MBIP: variants seen among roughly 807,000 people sequenced by gnomAD.
MBIP encodes MAP3K12-binding inhibitory protein 1.
A neutral mutation model predicts 45.7 loss-of-function variants in MBIP; 32 were observed. The ratio of observed to expected loss-of-function variants is 0.70; its 90% CI spans 0.53 to 0.94. The LOEUF is 0.94. Among genes scored for constraint, MBIP ranks in the 40% least tolerant of loss-of-function variants. The probability of loss-of-function intolerance (pLI) is 0.00; values close to 1 mark genes in which losing one functional copy is unlikely to be tolerated. For missense variants in MBIP, 381 were observed against 405.5 expected, an observed-to-expected ratio of 0.94 and a Z score of 0.52; for synonymous variants, 145 against 141.0, an observed-to-expected ratio of 1.03 and a Z score of -0.20.
chr14:36,300,233 C>T (rs904103614), intron 8 of MBIP, among the ~76,000 whole-genome samples: 4 of 151,884 alleles, frequency 2.6e-5, no homozygotes, highest in East Asian at 1.9e-4. Flanking sequence ...TAATTTACTT[C>T]GGGAAAAAAT....
chr14:36,300,308 A>T (rs980835367), intron 8 of MBIP, among the ~76,000 whole-genome samples: 2 of 152,190 alleles, frequency 1.3e-5, no homozygotes, highest in South Asian at 2.1e-4. Flanking sequence ...TAAAAATCAG[A>T]AAGTTTTCTC....
rs1263040914 is a variant in MBIP, at chr14:36,316,777, G to T, written c.165C>A (p.Ile55=). Residue 55 remains isoleucine (I), a synonymous_variant, in exon 2 of 9, where the codon ATC becomes ATA. Coordinates refer to ENST00000416007, the MANE Select transcript of MBIP (RefSeq NM_016586.3). ...DLRDDVVKIT[I]DWNKLQSLSA... ...AGAGGCTCTGGAGCTTGTTCCAATC[G>T]ATTGTAATTTTCACCACATCATCTC... 5.6e-6 allele frequency: 9 copies of T among 1,612,158 alleles called. No individual in the cohort carries two copies. In the African/African-American group the frequency reaches 8.0e-5, roughly 14 times the overall value.
At chr14:36,316,543 T>G (rs1421913027) in intron 2 of MBIP, 150 bp downstream of exon 2, 1 of 733,840 alleles carries the variant, frequency 1.4e-6, no homozygotes. Flanking sequence ...CTACTGAAAT[T>G]AACAGATTTA....
At chr14:36,301,961 G>T (rs533815665) in intron 7 of MBIP, among the ~76,000 whole-genome samples, 1 of 152,280 alleles carries the variant, frequency 6.6e-6, no homozygotes, top group East Asian at 1.9e-4. Flanking sequence ...TGTGTCAAAA[G>T]TTGATTCAAA....
In MBIP at chr14:36,300,806, T is replaced by C; in HGVS notation, c.906A>G (p.Arg302=). 6.4e-7 allele frequency: 1 copy of C among 1,554,844 alleles called. No homozygotes were observed. Among genetic ancestry groups the C allele is most frequent in the Non-Finnish European group, 8.7e-7 (1 of 1,145,082 alleles). ...YFQSVSFSGK[R]RKVQPPQQNY... Reference sequence around the variant, plus strand: ...TTACTTGAGGTGGTTGAACTTTTCTTCTTTTTCCAGAAAAGCTCTAGATTA... The same window carrying C: ...TTACTTGAGGTGGTTGAACTTTTCTCCTTTTTCCAGAAAAGCTCTAGATTA... The change falls in exon 8 of 9, where the codon AGA becomes AGG. Residue 302 remains arginine, a synonymous_variant. Transcript: ENST00000416007.
chr14:36,308,211 C>T (rs1879997293), intron 6 of MBIP, 22 bp from the exon 7 acceptor site: 1 of 1,142,594 alleles, frequency 8.8e-7, no homozygotes, highest in Admixed American at 2.1e-5. Flanking sequence ...AAAAAAAAAT[C>T]TGAGATACTA....
At chr14:36,303,647 G>A (rs8004802) in intron 7 of MBIP, among the ~76,000 whole-genome samples, 7,920 of 152,188 alleles carry the variant, frequency 0.052, 643 homozygotes, top group African/African-American at 0.18. Context: ...ACTGTTGACT[G>A]AAACATCCTT....
intron 6 of MBIP, 140 bp from the exon 7 acceptor site, chr14:36,308,329 G>A (rs1404362365): frequency 3.5e-6 from 2 of 570,314 alleles, no homozygotes; most frequent in African/African-American, 3.8e-5. Context: ...AAGTAAAACA[G>A]AATGAAGTCC....
intron 3 of MBIP, 23 bp from the exon 4 acceptor site, chr14:36,314,631 G>T: frequency 6.2e-7 from 1 of 1,606,106 alleles, no homozygotes; most frequent in Non-Finnish European, 8.5e-7. Flanking sequence ...AGTTTTAACA[G>T]TGTAAACATA....
intron 7 of MBIP, among the ~76,000 whole-genome samples, chr14:36,304,334 A>G (rs1233415011): frequency 6.6e-6 from 1 of 152,256 alleles, no homozygotes; most frequent in East Asian, 1.9e-4. Flanking sequence ...TCTACTCGAT[A>G]TTGACTACAT....
chr14:36,299,827 C>T (rs1169492323), intron 8 of MBIP, among the ~76,000 whole-genome samples: 1 of 152,024 alleles, frequency 6.6e-6, no homozygotes, highest in Non-Finnish European at 1.5e-5. Context: ...TGGATTTATT[C>T]AAGTCTACCT....
At chr14:36,317,550 T>C (rs1880647100) in intron 1 of MBIP, among the ~76,000 whole-genome samples, 2 of 152,128 alleles carry the variant, frequency 1.3e-5, no homozygotes, top group South Asian at 2.1e-4. Flanking sequence ...GCTCATTATA[T>C]GGAAATTTCT....
intron 4 of MBIP, among the ~76,000 whole-genome samples, chr14:36,313,040 T>C (rs1880301965): frequency 6.6e-6 from 1 of 152,136 alleles, no homozygotes; most frequent in South Asian, 2.1e-4. Flanking sequence ...TTTTTTTCAG[T>C]TGAACTTTCC....
At chr14:36,303,858 A>C (rs974128814) in intron 7 of MBIP, among the ~76,000 whole-genome samples, 2 of 152,154 alleles carry the variant, frequency 1.3e-5, no homozygotes, top group Admixed American at 1.3e-4. Flanking sequence ...CAGAGCCCTG[A>C]TTCAGACCTT....
intron 7 of MBIP, among the ~76,000 whole-genome samples, chr14:36,305,478 T>A (rs1169717995): frequency 2.0e-5 from 3 of 152,208 alleles, no homozygotes; most frequent in African/African-American, 7.2e-5. Context: ...AAAAATCACC[T>A]GTTTTATCAC....
In MBIP at chr14:36,312,142, A is replaced by G. The variant is rs2139223552; in HGVS notation, c.572-118T>C. The G allele has an allele frequency of 5.9e-6, 3 of 510,888 alleles. No homozygotes were observed. The East Asian group carries it at 1.0e-4, about 17-fold the overall frequency. The allele number at this position is 510,888 out of a possible 1,614,324, so 31.6% of individuals were successfully genotyped here. On this transcript the variant is annotated intron_variant, in intron 4 of 8. Coordinates refer to ENST00000416007, the MANE Select transcript of MBIP (RefSeq NM_016586.3). Reference sequence around the variant, plus strand: ...TTTACTCATAATAATTTTAATAAATAATAGTAACAATAAATTACTATCACA... The same window carrying G: ...TTTACTCATAATAATTTTAATAAATGATAGTAACAATAAATTACTATCACA...
At chr14:36,310,452 T>C (rs1297807986) in intron 6 of MBIP, among the ~76,000 whole-genome samples, 2 of 152,222 alleles carry the variant, frequency 1.3e-5, no homozygotes, top group African/African-American at 4.8e-5. Context: ...TCCCTTGACC[T>C]ACCCTGAGAG....
intron 1 of MBIP, among the ~76,000 whole-genome samples, chr14:36,317,934 C>G (rs1379222355): frequency 6.6e-6 from 1 of 151,878 alleles, no homozygotes; most frequent in Admixed American, 6.6e-5. Context: ...TGAATAAATA[C>G]TATGTGACAG....
intron 7 of MBIP, among the ~76,000 whole-genome samples, chr14:36,303,866 C>T (rs1412863732): frequency 6.6e-6 from 1 of 152,142 alleles, no homozygotes; most frequent in Non-Finnish European, 1.5e-5. Flanking sequence ...TGATTCAGAC[C>T]TTCATTTCTC....
Sources: gnomAD v4.1 joint callset for allele counts (sites outside exome capture counted in the v4.1 genomes callset) on GRCh38, gnomAD v4.1.1 for gene constraint, MANE v1.5 for transcripts, NCBI Gene and HGNC (gene_info 2026-07-23, HGNC 2026-07-21) for gene names.